The following HS3ST3A1 variants were observed in gnomAD, a reference collection of about 807,000 sequenced individuals.
HS3ST3A1 encodes heparan sulfate-glucosamine 3-sulfotransferase 3A1, also known as heparan sulfate glucosamine 3-O-sulfotransferase 3A1.
HS3ST3A1 carries 19 observed loss-of-function variants against 25.7 expected under a neutral mutation model. The observed-to-expected ratio is 0.74, with a 90% confidence interval of 0.52 to 1.08. HS3ST3A1 has a LOEUF of 1.08. Ranked by LOEUF, HS3ST3A1 falls within the 50% of genes least tolerant of loss-of-function variation. HS3ST3A1 has a pLI of 0.00. For missense variants in HS3ST3A1, 459 were observed against 594.3 expected (o/e 0.77, Z 2.37); for synonymous variants, 226 against 278.6 (o/e 0.81, Z 1.88).
chr17:13,536,776 A>G (rs1481002325), intron 1 of HS3ST3A1, among the ~76,000 whole-genome samples: 1 of 152,184 alleles, frequency 6.6e-6, no homozygotes, highest in Non-Finnish European at 1.5e-5. Flanking sequence ...CACTCAAAAG[A>G]TCACCATACT....
chr17:13,595,845 TGGTTG>T lies in HS3ST3A1; in HGVS notation c.599+4681_599+4685del, dbSNP rs57456461. Among the ~76,000 whole-genome samples the T allele has an allele frequency of 1.0e-3, 139 of 135,118 alleles. 1 individual carries two copies. The highest frequency in any genetic ancestry group is 8.8e-3 in the South Asian group (37 of 4,228). The allele number at this position is 135,118 out of a possible 152,430, so 88.6% of individuals were successfully genotyped here. A position where few individuals can be genotyped will look rare whatever the true frequency, so the allele number is the denominator to read the frequency against. The stretch of plus-strand genomic sequence containing the variant: ...GTCCCGGAGAGATACGAGGCCTTTT[TGGTTG>T]TTGTTGTTGTTGTTGTTGTTGTTGT... On this transcript the variant is annotated intron_variant, in intron 1 of 1. Transcript: ENST00000284110.
intron 1 of HS3ST3A1, among the ~76,000 whole-genome samples, chr17:13,558,090 A>C (rs1034448685): frequency 2.6e-5 from 4 of 152,198 alleles, no homozygotes; most frequent in African/African-American, 9.7e-5. Flanking sequence ...TAGTCCACCA[A>C]GATTTCATTT....
In HS3ST3A1 at chr17:13,550,273, C is replaced by T. The variant is rs114633775; in HGVS notation, c.599+50258G>A. ...CAGAAAGGTTCACTGGCTGTTCACC[C>T]AGCCTATTCCCTCTTCTTCCTGAGA... is the stretch of plus-strand genomic sequence containing the variant. On this transcript the variant is annotated intron_variant, in intron 1 of 1. Transcript: ENST00000284110. 5.5e-3 allele frequency among the ~76,000 whole-genome samples: 832 copies of T among 152,300 alleles called. 8 individuals are homozygous for T. Among genetic ancestry groups the T allele is most frequent in the African/African-American group, 0.019 (798 of 41,552 alleles).
chr17:13,566,438 T>G (rs1053000003), intron 1 of HS3ST3A1, among the ~76,000 whole-genome samples: 25 of 152,262 alleles, frequency 1.6e-4, no homozygotes, highest in African/African-American at 6.0e-4. Context: ...ATTAGGTCAT[T>G]TAATATCCCT....
chr17:13,499,552 T>A (rs1190488990), intron 1 of HS3ST3A1, among the ~76,000 whole-genome samples: 1 of 149,508 alleles, frequency 6.7e-6, no homozygotes, highest in Non-Finnish European at 1.5e-5. Flanking sequence ...AGAGAGAGAA[T>A]AATACTTCAC....
Position 13,494,141 on chromosome 17 carries a change from AC to A in HS3ST3A1, c.*2055del, listed in dbSNP as rs1456076083. 6.6e-6 allele frequency among the ~76,000 whole-genome samples: 1 copy of A among 152,266 alleles called. No individual in the cohort carries two copies. The highest frequency in any genetic ancestry group is 1.9e-4 in the East Asian group (1 of 5,202). On this transcript the variant is annotated 3_prime_UTR_variant, in exon 2 of 2. Transcript: ENST00000284110. The stretch of plus-strand genomic sequence containing the variant: ...CACTTTTGCATAATGCCAAGCAAAC[AC>A]TTACAAAAGAATCAGTTGTACAAAC...
chr17:13,566,109 G>A (rs1402173165), intron 1 of HS3ST3A1, among the ~76,000 whole-genome samples: 2 of 152,096 alleles, frequency 1.3e-5, no homozygotes. Context: ...AAAATTGAAG[G>A]TTTGCAGCAA....
At chr17:13,556,415 G>C (rs1907375286) in intron 1 of HS3ST3A1, among the ~76,000 whole-genome samples, 1 of 151,836 alleles carries the variant, frequency 6.6e-6, no homozygotes, top group Admixed American at 6.6e-5. Flanking sequence ...GGCTGAGGCA[G>C]GGGAATGGTG....
At position 13,550,238 on chromosome 17, in the gene HS3ST3A1, G is replaced by C. The variant is rs193064958; in HGVS notation, c.599+50293C>G. On this transcript the variant is annotated intron_variant, in intron 1 of 1. Coordinates refer to ENST00000284110, the MANE Select transcript of HS3ST3A1 (RefSeq NM_006042.3). ...GACTTTAGTTTAAATTTTCTTTTCA[G>C]GACTCATGACAGAAAGGTTCACTGG... 2.1e-3 allele frequency among the ~76,000 whole-genome samples: 322 copies of C among 152,174 alleles called. 1 individual carries two copies. The highest frequency in any genetic ancestry group is 7.4e-3 in the African/African-American group (307 of 41,506).
At chr17:13,549,468 C>T (rs1907183913) in intron 1 of HS3ST3A1, among the ~76,000 whole-genome samples, 1 of 152,210 alleles carries the variant, frequency 6.6e-6, no homozygotes, top group African/African-American at 2.4e-5. Context: ...TATTGCATTG[C>T]ACTGCTCAGC....
chr17:13,582,607 C>T (rs189201102), intron 1 of HS3ST3A1, among the ~76,000 whole-genome samples: 9 of 152,178 alleles, frequency 5.9e-5, no homozygotes, highest in African/African-American at 2.2e-4. Flanking sequence ...GTTTGCTAAA[C>T]GATCAAGGAG....
intron 1 of HS3ST3A1, among the ~76,000 whole-genome samples, chr17:13,556,514 G>GAGATAAAATAAAATAAAATAAAATA (rs1555540867): frequency 6.9e-6 from 1 of 145,830 alleles, no homozygotes; most frequent in South Asian, 2.2e-4. Context: ...TCTCAAAAAA[G>GAGATAAAATAAAATAAAATAAAATA]AAATAAAATA....
At chr17:13,532,617 G>A (rs148333242) in intron 1 of HS3ST3A1, among the ~76,000 whole-genome samples, 35 of 152,154 alleles carry the variant, frequency 2.3e-4, no homozygotes, top group Admixed American at 5.2e-4. Flanking sequence ...AGCAAGATGG[G>A]TATTAGGAGT....
chr17:13,573,852 G>A (rs1181513260), intron 1 of HS3ST3A1, among the ~76,000 whole-genome samples: 1 of 152,162 alleles, frequency 6.6e-6, no homozygotes, highest in East Asian at 1.9e-4. Context: ...GGGCACAGGG[G>A]AGCTTGCCTC....
rs192540331 is a variant in HS3ST3A1 at position 13,536,753 on chromosome 17, C to T, written c.600-39935G>A. Among the ~76,000 whole-genome samples the T allele has an allele frequency of 5.4e-3, 821 of 152,228 alleles. 7 individuals are homozygous for T. Among genetic ancestry groups the T allele is most frequent in the Non-Finnish European group, 8.6e-3 (585 of 68,010 alleles). On this transcript the variant is annotated intron_variant, in intron 1 of 1. Coordinates refer to ENST00000284110, the MANE Select transcript of HS3ST3A1 (RefSeq NM_006042.3). ...CTCTGGGCATGTAACCCATGCAGTCCCACAGAGTCCTGCACTCAAAAGATC... is the reference window on the plus strand; with the variant it reads ...CTCTGGGCATGTAACCCATGCAGTCTCACAGAGTCCTGCACTCAAAAGATC...
intron 1 of HS3ST3A1, among the ~76,000 whole-genome samples, chr17:13,600,216 C>CT (rs11289469): frequency 2.3e-4 from 34 of 149,050 alleles, no homozygotes; most frequent in East Asian, 5.9e-4. Context: ...TTAGAAGAGA[C>CT]TTTTTTTTTT....
rs556585774 is a variant in HS3ST3A1, at chr17:13,554,969, A to G, written c.599+45562T>C. Among the ~76,000 whole-genome samples the G allele has an allele frequency of 1.6e-4, 24 of 152,260 alleles. 1 individual carries two copies. In the South Asian group the frequency reaches 5.0e-3, roughly 32 times the overall value. ...AAATTAGTATTCCTCAAGCCCCCTG[A>G]GAATAATGTCACTTAACCTCATTCA... On this transcript the variant is annotated intron_variant, in intron 1 of 1. Transcript: ENST00000284110.
chr17:13,525,637 A>G (rs1312850099), intron 1 of HS3ST3A1, among the ~76,000 whole-genome samples: 1 of 152,168 alleles, frequency 6.6e-6, no homozygotes, highest in African/African-American at 2.4e-5. Context: ...CTGAAACTCT[A>G]TATCATAGAG....
intron 1 of HS3ST3A1, among the ~76,000 whole-genome samples, chr17:13,568,525 G>A (rs1174160491): frequency 6.6e-6 from 1 of 151,952 alleles, no homozygotes; most frequent in Non-Finnish European, 1.5e-5. Flanking sequence ...TTGGCTCTTT[G>A]TCAAATATTT....
Sources: gnomAD v4.1 joint callset for allele counts (sites outside exome capture counted in the v4.1 genomes callset) on GRCh38, gnomAD v4.1.1 for gene constraint, MANE v1.5 for transcripts, NCBI Gene and HGNC (gene_info 2026-07-23, HGNC 2026-07-21) for gene names.